SNTG2: variants seen among roughly 807,000 people sequenced by gnomAD.
SNTG2 encodes syntrophin gamma 2, also known as gamma-2-syntrophin.
A neutral mutation model predicts 70.9 loss-of-function variants in SNTG2; 74 were observed. The ratio of observed to expected loss-of-function variants is 1.04; its 90% CI spans 0.86 to 1.27. The LOEUF (loss-of-function observed/expected upper bound fraction) is 1.27, where lower values mean the gene tolerates loss of function less well. Ranked by LOEUF, SNTG2 falls within the 50% of genes most tolerant of loss-of-function variation. The probability of loss-of-function intolerance (pLI) is 0.00; values close to 1 mark genes in which losing one functional copy is unlikely to be tolerated. For missense variants in SNTG2, 717 were observed against 690.7 expected (o/e 1.04, Z -0.43); for synonymous variants, 278 against 273.8 (o/e 1.02, Z -0.15).
At chr2:1,143,932 G>A (rs906904348) in intron 6 of SNTG2, among the ~76,000 whole-genome samples, 1 of 132,210 alleles carries the variant, frequency 7.6e-6, no homozygotes, top group African/African-American at 3.0e-5. Flanking sequence ...CTATAAAACT[G>A]TCAGTTCTTA....
intron 7 of SNTG2, among the ~76,000 whole-genome samples, chr2:1,165,855 G>A (rs766106337): frequency 1.2e-4 from 18 of 152,158 alleles, no homozygotes; most frequent in Non-Finnish European, 2.1e-4. Context: ...TTATCAGACC[G>A]TGCTTCTCGA....
At chr2:963,609 A>G (rs1054833628) in intron 1 of SNTG2, among the ~76,000 whole-genome samples, 3 of 138,178 alleles carry the variant, frequency 2.2e-5, no homozygotes, top group Admixed American at 1.5e-4. Context: ...ATAAAAGTAT[A>G]TTTAATATGC....
At chr2:1,326,606 C>CG (rs1558210202) in intron 16 of SNTG2, among the ~76,000 whole-genome samples, 2 of 152,072 alleles carry the variant, frequency 1.3e-5, no homozygotes, top group African/African-American at 4.8e-5. Context: ...ACTCTCCCCC[C>CG]CACCCTTTTT....
chr2:1,066,315 G>A (rs945187327), intron 1 of SNTG2, among the ~76,000 whole-genome samples: 20 of 152,084 alleles, frequency 1.3e-4, no homozygotes, highest in African/African-American at 4.3e-4. Flanking sequence ...GCAAAACTTC[G>A]CAGCCCAACT....
At chr2:1,331,522 G>A (rs1005012615) in intron 16 of SNTG2, among the ~76,000 whole-genome samples, 1 of 152,154 alleles carries the variant, frequency 6.6e-6, no homozygotes, top group South Asian at 2.1e-4. Context: ...TTCTTTCCTT[G>A]CCTGGTAATC....
intron 1 of SNTG2, among the ~76,000 whole-genome samples, chr2:992,152 A>G (rs536782196): frequency 7.8e-4 from 119 of 152,338 alleles, no homozygotes; most frequent in Middle Eastern, 3.4e-3. Context: ...TAAATTATCA[A>G]TACTGCGGAA....
intron 1 of SNTG2, among the ~76,000 whole-genome samples, chr2:990,889 CTTTT>C (rs1436004540): frequency 6.6e-6 from 1 of 151,474 alleles, no homozygotes; most frequent in African/African-American, 2.4e-5. Flanking sequence ...GAAAATTCAC[CTTTT>C]AAAATAGTCA....
At chr2:1,358,531 A>C (rs1410140449) in intron 16 of SNTG2, among the ~76,000 whole-genome samples, 2 of 151,800 alleles carry the variant, frequency 1.3e-5, no homozygotes, top group African/African-American at 4.8e-5. Context: ...GCATCCCACA[A>C]ATTTATTTAT....
In SNTG2 at chr2:1,173,075, C is replaced by A. The variant is rs765898156; in HGVS notation, c.500-17C>A. 1.9e-6 allele frequency: 3 copies of A among 1,612,320 alleles called. No homozygotes were observed. The highest frequency in any genetic ancestry group is 2.5e-6 in the Non-Finnish European group (3 of 1,178,704). On this transcript the variant is annotated splice_polypyrimidine_tract_variant and intron_variant, in intron 7 of 16. Transcript: ENST00000308624. ...CAGTGGCACCAATTGGAAGGGACTT[C>A]TCTTGTTTTGCTGCAGGGTCCCCAG...
intron 16 of SNTG2, among the ~76,000 whole-genome samples, chr2:1,321,042 G>C (rs1317062571): frequency 6.6e-6 from 1 of 152,184 alleles, no homozygotes; most frequent in Non-Finnish European, 1.5e-5. Context: ...AATGAAGAAG[G>C]AGCAAATTAT....
At chr2:1,318,540 G>A (rs1046570852) in intron 16 of SNTG2, among the ~76,000 whole-genome samples, 1 of 152,218 alleles carries the variant, frequency 6.6e-6, no homozygotes, top group Non-Finnish European at 1.5e-5. Flanking sequence ...ATGAGGCAGC[G>A]GCACTCGTGC....
At position 1,228,643 on chromosome 2, in the gene SNTG2, C is replaced by T. The variant is rs115056237; in HGVS notation, c.720-9245C>T. On this transcript the variant is annotated intron_variant, in intron 9 of 16. Coordinates refer to ENST00000308624, the MANE Select transcript of SNTG2 (RefSeq NM_018968.4). The stretch of plus-strand genomic sequence containing the variant: ...TTGGTGTTGGGTAAAAGCGCGGCCA[C>T]GGCTTCTGTTGCTCCGTTCGTTGTC... Among the ~76,000 whole-genome samples, 130 of 152,296 alleles carry T rather than the reference C, an allele frequency of 8.5e-4. No homozygotes were observed. The South Asian group carries it at 9.1e-3, about 11-fold the overall frequency.
chr2:1,200,384 C>T (rs1673201939), intron 8 of SNTG2, among the ~76,000 whole-genome samples: 1 of 151,966 alleles, frequency 6.6e-6, no homozygotes, highest in Admixed American at 6.6e-5. Context: ...GGATTAAAAG[C>T]TTAAACGTGA....
intron 8 of SNTG2, among the ~76,000 whole-genome samples, chr2:1,188,664 A>C (rs558776891): frequency 1.3e-5 from 2 of 150,750 alleles, no homozygotes; most frequent in Non-Finnish European, 3.0e-5. Context: ...GTCAACTTAA[A>C]TAGCTACAAA....
At chr2:1,136,765 C>G (rs1329061226) in intron 4 of SNTG2, among the ~76,000 whole-genome samples, 1 of 152,212 alleles carries the variant, frequency 6.6e-6, no homozygotes, top group Non-Finnish European at 1.5e-5. Flanking sequence ...TTGAATGGGG[C>G]TCTGTCTGCC....
At chr2:1,105,134 T>C (rs545081339) in intron 4 of SNTG2, among the ~76,000 whole-genome samples, 1 of 152,224 alleles carries the variant, frequency 6.6e-6, no homozygotes, top group Admixed American at 6.5e-5. Flanking sequence ...GGGGTTCCAT[T>C]CGCTGAGAGC....
intron 1 of SNTG2, among the ~76,000 whole-genome samples, chr2:985,748 C>G (rs1424681408): frequency 6.6e-6 from 1 of 152,044 alleles, no homozygotes; most frequent in Non-Finnish European, 1.5e-5. Flanking sequence ...AGCAGTTTCA[C>G]CTAAAGGAAG....
intron 6 of SNTG2, among the ~76,000 whole-genome samples, chr2:1,162,931 A>G (rs1670424625): frequency 6.6e-6 from 1 of 152,196 alleles, no homozygotes; most frequent in Non-Finnish European, 1.5e-5. Context: ...GGCGTCTCAC[A>G]AGGGTGCACT....
In SNTG2 at chr2:1,086,777, A is replaced by G. The variant is rs533113496; in HGVS notation, c.210+3122A>G. Among the ~76,000 whole-genome samples the G allele has an allele frequency of 7.0e-4, 107 of 152,368 alleles. 1 individual carries two copies. In the South Asian group the frequency reaches 7.9e-3, roughly 11 times the overall value. On this transcript the variant is annotated intron_variant, in intron 2 of 16. Coordinates refer to ENST00000308624, the MANE Select transcript of SNTG2 (RefSeq NM_018968.4). The stretch of plus-strand genomic sequence containing the variant: ...GATTTATTATGTTTCAAAACATGAA[A>G]TAGGATATATAAATATGAAAAAGGA...
Sources: allele counts gnomAD v4.1 joint callset (sites outside exome capture counted in the v4.1 genomes callset), GRCh38; gene constraint gnomAD v4.1.1; transcripts MANE v1.5; gene names NCBI Gene and HGNC (gene_info 2026-07-23, HGNC 2026-07-21).